P2RX3: variants seen among roughly 807,000 people sequenced by gnomAD.
P2RX3 encodes purinergic receptor P2X 3, also known as P2X purinoceptor 3.
P2RX3 carries 41 observed loss-of-function variants against 51.5 expected under a neutral mutation model. That is an observed-to-expected ratio of 0.80 (90% CI 0.62 to 1.03). The LOEUF is 1.03. Ranked by LOEUF, P2RX3 falls within the 50% of genes least tolerant of loss-of-function variation. The pLI, the probability that P2RX3 is intolerant of heterozygous loss-of-function variation, is 0.00. For missense variants in P2RX3, 459 were observed against 522.1 expected, an observed-to-expected ratio of 0.88 and a Z score of 1.18; for synonymous variants, 185 against 191.6, an observed-to-expected ratio of 0.97 and a Z score of 0.29.
At chr11:57,337,275 G>T (rs1040705987), upstream of P2RX3, among the ~76,000 whole-genome samples, 1 of 118,838 alleles carries the variant, frequency 8.4e-6, no homozygotes, top group Non-Finnish European at 1.6e-5. Context: ...CCGGGTGACA[G>T]AGCGAGACTC....
intron 8 of P2RX3, among the ~76,000 whole-genome samples, chr11:57,365,292 G>A (rs763068274): frequency 3.9e-5 from 6 of 152,228 alleles, no homozygotes; most frequent in Non-Finnish European, 7.3e-5. Context: ...AACCAGGCCA[G>A]TGAAGGGCCT....
At chr11:57,356,566 G>A (rs1856634912) in intron 8 of P2RX3, among the ~76,000 whole-genome samples, 1 of 152,208 alleles carries the variant, frequency 6.6e-6, no homozygotes, top group African/African-American at 2.4e-5. Context: ...CTTTCATGAA[G>A]CTCGGAGATT....
chr11:57,338,465 ATCTCG>A lies in P2RX3; in HGVS notation c.-81_-77del. 1.2e-6 allele frequency: 1 copy of A among 853,022 alleles called. No homozygotes were observed. Among genetic ancestry groups the A allele is most frequent in the Non-Finnish European group, 1.9e-6 (1 of 534,110 alleles). The allele number at this position is 853,022 out of a possible 1,614,324, so 52.8% of individuals were successfully genotyped here. A position where few individuals can be genotyped will look rare whatever the true frequency, so the allele number is the denominator to read the frequency against. On this transcript the variant is annotated 5_prime_UTR_variant, in exon 1 of 12. Transcript: ENST00000263314. ...TCTAAGCTGCCCCCTCCAGGTCGTG[ATCTCG>A]TCTCCCTGTCCTGTAGGACCTCCCT...
At chr11:57,361,420 G>C (rs1856716846) in intron 8 of P2RX3, among the ~76,000 whole-genome samples, 1 of 152,150 alleles carries the variant, frequency 6.6e-6, no homozygotes, top group African/African-American at 2.4e-5. Context: ...ACATGCATTA[G>C]CTATTTATCC....
At chr11:57,340,640 C>T (rs2134404680) in intron 1 of P2RX3, 2 of 152,134 alleles carry the variant, frequency 1.3e-5, no homozygotes, top group Admixed American at 1.3e-4. Flanking sequence ...TCCTCGCCCT[C>T]CTGGGGCTTA....
intron 8 of P2RX3, among the ~76,000 whole-genome samples, chr11:57,356,960 C>T (rs1328315488): frequency 6.6e-6 from 1 of 152,192 alleles, no homozygotes. Context: ...TCATTGAACA[C>T]TTACCAGTGA....
At chr11:57,342,414 C>T (rs981476632) in intron 1 of P2RX3, among the ~76,000 whole-genome samples, 11 of 151,990 alleles carry the variant, frequency 7.2e-5, no homozygotes, top group Non-Finnish European at 1.3e-4. Flanking sequence ...CCTGCCTCGG[C>T]CTCCCAAAGT....
rs377490584 is a variant in P2RX3 at position 57,369,907 on chromosome 11, C to G, written c.1104C>G (p.Ile368Met). The change falls in exon 12 of 12, where the codon ATC becomes ATG. Residue 368 changes from isoleucine (I) to methionine (M), a missense_variant. Transcript: ENST00000263314. ...AGGTGAATGAGACTACGCTGAAAATCGCGGCTTTGACCAACCCAGTGTACC... is the reference window on the plus strand; with the variant it reads ...AGGTGAATGAGACTACGCTGAAAATGGCGGCTTTGACCAACCCAGTGTACC... ...FEEVNETTLKIAALTNPVYPS... is the reference protein window; with the variant it reads ...FEEVNETTLKMAALTNPVYPS... 5.8e-5 allele frequency: 93 copies of G among 1,613,718 alleles called. 1 individual carries two copies. In the South Asian group the frequency reaches 1.0e-3, roughly 17 times the overall value.
Position 57,358,794 on chromosome 11 carries a change from G to A in P2RX3, c.842+7896G>A, listed in dbSNP as rs1295409134. On this transcript the variant is annotated intron_variant, in intron 8 of 11. Transcript: ENST00000263314. ...AGCTCCAGCCCTGCCCTGCAGAAGC[G>A]CATCTGACAAATGATTTATTATGGT... is the stretch of plus-strand genomic sequence containing the variant. Among the ~76,000 whole-genome samples the A allele has an allele frequency of 4.6e-5, 7 of 152,246 alleles. No homozygotes were observed. The East Asian group carries it at 9.6e-4, about 21-fold the overall frequency.
At chr11:57,344,781 C>T (rs566194002) in intron 1 of P2RX3, among the ~76,000 whole-genome samples, 176 of 152,256 alleles carry the variant, frequency 1.2e-3, no homozygotes, top group Non-Finnish European at 1.5e-3. Flanking sequence ...CAAAGGAAGA[C>T]CCATGATGGG....
At chr11:57,348,763 G>A in intron 6 of P2RX3, 59 bp downstream of exon 6, 2 of 1,320,718 alleles carry the variant, frequency 1.5e-6, no homozygotes, top group Non-Finnish European at 2.2e-6. Flanking sequence ...CTGCCAACCT[G>A]TTTTCAGGGA....
intron 9 of P2RX3, 123 bp downstream of exon 9, chr11:57,368,225 G>A: frequency 1.5e-6 from 2 of 1,296,546 alleles, no homozygotes; most frequent in South Asian, 1.2e-5. Flanking sequence ...CACCCTCAGT[G>A]GGTCACTCTC....
intron 8 of P2RX3, among the ~76,000 whole-genome samples, chr11:57,356,083 A>C (rs1590633540): frequency 6.6e-6 from 1 of 152,192 alleles, no homozygotes; most frequent in East Asian, 1.9e-4. Flanking sequence ...CCCTAGAGTT[A>C]AGTTTGCAAA....
rs907645339 is a variant in P2RX3 at position 57,343,037 on chromosome 11, G to A, written c.120-3507G>A. ...AGCAGCAGAGTAAATGCCAAGAATCGAAGGCTCAGGCCTGCCCTAGCTCCT... is the reference window on the plus strand; with the variant it reads ...AGCAGCAGAGTAAATGCCAAGAATCAAAGGCTCAGGCCTGCCCTAGCTCCT... On this transcript the variant is annotated intron_variant, in intron 1 of 11. Coordinates refer to ENST00000263314, the MANE Select transcript of P2RX3 (RefSeq NM_002559.5). Among the ~76,000 whole-genome samples, 10 of 152,290 alleles carry A rather than the reference G, an allele frequency of 6.6e-5. No homozygotes were observed. In the South Asian group the frequency reaches 8.3e-4, roughly 13 times the overall value.
Position 57,338,687 on chromosome 11 carries a change from C to T in P2RX3, c.119+18C>T, listed in dbSNP as rs1565059096. The T allele has an allele frequency of 6.5e-7, 1 of 1,547,596 alleles. No homozygotes were observed. On this transcript the variant is annotated intron_variant, in intron 1 of 11. Transcript: ENST00000263314. ...TTTGTAGGGTGAGTCTGTGGCCTTT[C>T]AGGTTCCTGGCGGGGTGGGCTGCCT...
At chr11:57,359,134 C>T (rs529069274) in intron 8 of P2RX3, among the ~76,000 whole-genome samples, 4 of 152,302 alleles carry the variant, frequency 2.6e-5, no homozygotes, top group East Asian at 3.9e-4. Flanking sequence ...CTGCCGCCCC[C>T]GCGGGAGGAA....
upstream of P2RX3, chr11:57,338,226 C>A (rs1378084177): frequency 9.7e-6 from 2 of 206,330 alleles, no homozygotes; most frequent in Non-Finnish European, 2.0e-5. Flanking sequence ...ACATTAGTCC[C>A]AGAGGGCTCC....
At chr11:57,366,393 A>AG (rs1344815270) in intron 8 of P2RX3, among the ~76,000 whole-genome samples, 1 of 152,110 alleles carries the variant, frequency 6.6e-6, no homozygotes, top group East Asian at 1.9e-4. Context: ...TGAGAATGAA[A>AG]TGGGATCATT....
chr11:57,337,078 G>A (rs1439846333), upstream of P2RX3, among the ~76,000 whole-genome samples: 1 of 152,058 alleles, frequency 6.6e-6, no homozygotes, highest in Non-Finnish European at 1.5e-5. Context: ...GATCACTTGA[G>A]GTCAGGAGTT....
Sources: gnomAD v4.1 joint callset for allele counts (sites outside exome capture counted in the v4.1 genomes callset) on GRCh38, gnomAD v4.1.1 for gene constraint, MANE v1.5 for transcripts, NCBI Gene and HGNC (gene_info 2026-07-23, HGNC 2026-07-21) for gene names.